Variants in CLDN1 observed in about 807,000 individuals in gnomAD.
The protein encoded by CLDN1 is claudin 1.
Under a neutral mutation model 22.6 loss-of-function variants are expected in CLDN1, and 12 were observed. The ratio of observed to expected loss-of-function variants is 0.53; its 90% CI spans 0.34 to 0.86. The LOEUF (loss-of-function observed/expected upper bound fraction) is 0.86, where lower values mean the gene tolerates loss of function less well. Ranked by LOEUF, CLDN1 falls within the 40% of genes least tolerant of loss-of-function variation. CLDN1 has a pLI of 0.02. For missense variants in CLDN1, 250 were observed against 269.5 expected (o/e 0.93, Z 0.51); for synonymous variants, 99 against 103.8 (o/e 0.95, Z 0.28).
intron 2 of CLDN1, among the ~76,000 whole-genome samples, chr3:190,312,174 G>A (rs535223544): frequency 1.2e-4 from 18 of 151,246 alleles, no homozygotes; most frequent in East Asian, 1.2e-3. Flanking sequence ...CAGGTGATCC[G>A]CCCTCCTCAG....
At chr3:190,308,516 T>A in intron 3 of CLDN1, 77 bp from the exon 4 acceptor site, 5 of 1,316,488 alleles carry the variant, frequency 3.8e-6, no homozygotes, top group Non-Finnish European at 5.4e-6. Context: ...GGAAAAAAAA[T>A]CAATACTCAT....
chr3:190,321,489 CTT>C (rs1716919862), intron 1 of CLDN1, among the ~76,000 whole-genome samples: 1 of 152,160 alleles, frequency 6.6e-6, no homozygotes, highest in Admixed American at 6.5e-5. Flanking sequence ...AGGAATGTAA[CTT>C]TTACTATGAA....
chr3:190,316,314 A>G (rs931838921), intron 1 of CLDN1, among the ~76,000 whole-genome samples: 1 of 152,342 alleles, frequency 6.6e-6, no homozygotes, highest in African/African-American at 2.4e-5. Context: ...GTATGTTCCA[A>G]TATTAGATTT....
chr3:190,305,846 T>C lies in CLDN1; in HGVS notation c.*2431A>G, dbSNP rs555236911. 6.6e-6 allele frequency: 1 copy of C among 152,366 alleles called. No homozygotes were observed. The highest frequency in any genetic ancestry group is 1.5e-5 in the Non-Finnish European group (1 of 68,036). The allele number at this position is 152,366 out of a possible 1,614,324, so 9.4% of individuals were successfully genotyped here. On this transcript the variant is annotated 3_prime_UTR_variant, in exon 4 of 4. Transcript: ENST00000295522. ...AAAGATCAAAATTGGATAAATTCTA[T>C]TGTAACAATTTCGTTGGTCATTTTG...
chr3:190,316,356 TG>T (rs1716769654), intron 1 of CLDN1, among the ~76,000 whole-genome samples: 1 of 152,214 alleles, frequency 6.6e-6, no homozygotes, highest in Non-Finnish European at 1.5e-5. Flanking sequence ...TTTGCTTCAT[TG>T]GAGATATTTG....
intron 1 of CLDN1, among the ~76,000 whole-genome samples, chr3:190,318,317 A>G (rs1716823532): frequency 6.6e-6 from 1 of 152,126 alleles, no homozygotes; most frequent in South Asian, 2.1e-4. Context: ...CCTCCATTAT[A>G]TTTCCTTAAT....
At chr3:190,316,090 T>C (rs1200599307) in intron 1 of CLDN1, among the ~76,000 whole-genome samples, 1 of 152,240 alleles carries the variant, frequency 6.6e-6, no homozygotes, top group South Asian at 2.1e-4. Flanking sequence ...TATTCTGTTC[T>C]ATGATTGCTA....
intron 2 of CLDN1, among the ~76,000 whole-genome samples, 183 bp from the exon 3 acceptor site, chr3:190,310,436 T>TAA (rs947757093): frequency 6.6e-6 from 1 of 152,152 alleles, no homozygotes; most frequent in Non-Finnish European, 1.5e-5. Context: ...TATTAAAATA[T>TAA]AAAAAAATAC....
intron 2 of CLDN1, among the ~76,000 whole-genome samples, chr3:190,310,666 T>G (rs79214409): frequency 0.012 from 1,833 of 152,328 alleles, 14 homozygotes; most frequent in Non-Finnish European, 0.02. Context: ...ATGTTCTTGA[T>G]CAAACTCAAA....
chr3:190,319,042 A>G (rs574563659), intron 1 of CLDN1, among the ~76,000 whole-genome samples: 4 of 152,182 alleles, frequency 2.6e-5, no homozygotes, highest in South Asian at 4.2e-4. Flanking sequence ...CTTCCCTACA[A>G]CATTCCTTCA....
At position 190,322,395 on chromosome 3, in the gene CLDN1, T is replaced by C; in HGVS notation, c.-189A>G. The C allele has an allele frequency of 1.6e-6, 1 of 628,822 alleles. No homozygotes were observed. The highest frequency in any genetic ancestry group is 1.8e-5 in the South Asian group (1 of 54,330). 39.0% of individuals were successfully genotyped at this position (628,822 alleles called of 1,614,324 possible). A position where few individuals can be genotyped will look rare whatever the true frequency, so the allele number is the denominator to read the frequency against. On this transcript the variant is annotated 5_prime_UTR_variant, in exon 1 of 4. Transcript: ENST00000295522. Reference sequence around the variant, plus strand: ...TTGGGGTCCGCGCCCGGGGCGGCGCTGGAGTCTGGATACTAGAAGCTGCGG... The same window carrying C: ...TTGGGGTCCGCGCCCGGGGCGGCGCCGGAGTCTGGATACTAGAAGCTGCGG...
At chr3:190,311,398 T>G (rs973858557) in intron 2 of CLDN1, among the ~76,000 whole-genome samples, 2 of 152,170 alleles carry the variant, frequency 1.3e-5, no homozygotes, top group Admixed American at 1.3e-4. Context: ...CAATTTGTAT[T>G]TGGGTAAACT....
rs1716506199 is a variant in CLDN1 at position 190,308,034 on chromosome 3, A to C, written c.*243T>G. On this transcript the variant is annotated 3_prime_UTR_variant, in exon 4 of 4. Coordinates refer to ENST00000295522, the MANE Select transcript of CLDN1 (RefSeq NM_021101.5). ...TCCCCCAGTTGAGTATGATTACTCA[A>C]TGGGAAGCAGTAATACAAATGGAAA... is the stretch of plus-strand genomic sequence containing the variant. The C allele has an allele frequency of 2.2e-6, 1 of 451,254 alleles. No individual in the cohort carries two copies. Among genetic ancestry groups the C allele is most frequent in the Admixed American group, 3.3e-5 (1 of 29,902 alleles). The allele number at this position is 451,254 out of a possible 1,614,324, so 28.0% of individuals were successfully genotyped here. A position where few individuals can be genotyped will look rare whatever the true frequency, so the allele number is the denominator to read the frequency against.
rs1238202388 is a variant in CLDN1 at position 190,322,095 on chromosome 3, C to A, written c.112G>T (p.Asp38Tyr). The A allele has an allele frequency of 6.2e-7, 1 of 1,614,222 alleles. No individual in the cohort carries two copies. The highest frequency in any genetic ancestry group is 1.1e-5 in the South Asian group (1 of 91,084). Reference protein sequence around the residue: ...PQWRIYSYAGDNIVTAQAMYE... With the variant: ...PQWRIYSYAGYNIVTAQAMYE... ...ATGGCCTGGGCGGTCACGATGTTGT[C>A]GCCGGCATAGGAGTAAATCCTCCAC... Residue 38 changes from aspartate to tyrosine, a missense_variant, in exon 1 of 4, where the codon GAC (aspartate) becomes TAC (tyrosine). Coordinates refer to ENST00000295522, the MANE Select transcript of CLDN1 (RefSeq NM_021101.5).
intron 1 of CLDN1, 126 bp downstream of exon 1, chr3:190,321,858 A>G (rs1006090323): frequency 4.0e-5 from 30 of 746,400 alleles, no homozygotes; most frequent in Non-Finnish European, 5.9e-5. Flanking sequence ...GACAGAGCAC[A>G]TGATCAGAAG....
chr3:190,309,288 G>A (rs3774031), intron 3 of CLDN1, among the ~76,000 whole-genome samples: 100,273 of 152,132 alleles, frequency 0.66, 34,035 homozygotes, highest in African/African-American at 0.82. Flanking sequence ...TTACCTTGGC[G>A]AAATTTTAGC....
intron 2 of CLDN1, among the ~76,000 whole-genome samples, chr3:190,312,486 G>C (rs528824694): frequency 6.6e-6 from 1 of 152,048 alleles, no homozygotes; most frequent in South Asian, 2.1e-4. Context: ...CAGACCTGAA[G>C]GGTTCACATA....
intron 1 of CLDN1, among the ~76,000 whole-genome samples, chr3:190,315,858 A>C (rs562582437): frequency 6.6e-6 from 1 of 152,254 alleles, no homozygotes; most frequent in African/African-American, 2.4e-5. Flanking sequence ...CATCAATCTC[A>C]TGAGTCGGAC....
intron 3 of CLDN1, 126 bp downstream of exon 3, chr3:190,310,043 G>A: frequency 1.3e-6 from 1 of 766,684 alleles, no homozygotes. Context: ...CATTTAAATT[G>A]TTTGTAGGTT....
Sources: gnomAD v4.1 joint callset for allele counts (sites outside exome capture counted in the v4.1 genomes callset) on GRCh38, gnomAD v4.1.1 for gene constraint, MANE v1.5 for transcripts, NCBI Gene and HGNC (gene_info 2026-07-23, HGNC 2026-07-21) for gene names.